ASTN2: variants seen among roughly 807,000 people sequenced by gnomAD.
ASTN2 encodes astrotactin 2.
In ASTN2, 54 loss-of-function variants were observed where a neutral mutation model predicts 139.8. The observed-to-expected ratio is 0.39, with a 90% CI of 0.31 to 0.48. The LOEUF (loss-of-function observed/expected upper bound fraction) is 0.48. Among genes scored for constraint, ASTN2 ranks in the 20% least tolerant of loss-of-function variants. The pLI, the probability that ASTN2 is intolerant of heterozygous loss-of-function variation, is 0.95. For missense variants in ASTN2, 1,565 were observed against 1,725.1 expected, an observed-to-expected ratio of 0.91 and a Z score of 1.64; for synonymous variants, 756 against 719.5, an observed-to-expected ratio of 1.05 and a Z score of -0.81.
intron 11 of ASTN2, among the ~76,000 whole-genome samples, chr9:116,861,958 A>C (rs576411518): frequency 1.4e-5 from 2 of 142,702 alleles, no homozygotes; most frequent in East Asian, 4.2e-4. Context: ...ACTTAAGCCA[A>C]TGCATTTCCT....
At chr9:116,446,618 T>C (rs1292387362) in intron 20 of ASTN2, among the ~76,000 whole-genome samples, 1 of 152,200 alleles carries the variant, frequency 6.6e-6, no homozygotes, top group Non-Finnish European at 1.5e-5. Context: ...ACTTATGGGA[T>C]GCTTTCATTA....
intron 15 of ASTN2, among the ~76,000 whole-genome samples, chr9:116,727,586 A>G (rs181613963): frequency 2.0e-5 from 3 of 152,288 alleles, no homozygotes; most frequent in Admixed American, 6.5e-5. Context: ...ACCCCTCTCC[A>G]TCAACCTGTT....
chr9:116,689,624 C>T (rs1860461801), intron 16 of ASTN2, among the ~76,000 whole-genome samples: 3 of 152,122 alleles, frequency 2.0e-5, no homozygotes, highest in African/African-American at 7.2e-5. Context: ...CTTGCTAGGG[C>T]CTGCTTAGTC....
intron 19 of ASTN2, among the ~76,000 whole-genome samples, chr9:116,587,933 C>T (rs1854224760): frequency 6.6e-6 from 1 of 152,146 alleles, no homozygotes; most frequent in African/African-American, 2.4e-5. Flanking sequence ...GATTGTACTT[C>T]CATGTAGAGA....
intron 17 of ASTN2, among the ~76,000 whole-genome samples, chr9:116,634,582 T>G (rs1856972415): frequency 9.7e-6 from 1 of 103,342 alleles, no homozygotes; most frequent in African/African-American, 4.1e-5. Context: ...AGAGCGAGAC[T>G]CCGTCTCAAA....
intron 3 of ASTN2, among the ~76,000 whole-genome samples, chr9:117,156,181 C>T (rs1042521434): frequency 1.1e-4 from 16 of 152,022 alleles, no homozygotes; most frequent in South Asian, 2.1e-4. Context: ...CCAGGCTCCA[C>T]GATGCATGCA....
intron 6 of ASTN2, among the ~76,000 whole-genome samples, chr9:117,036,978 T>A (rs899883577): frequency 2.0e-5 from 3 of 152,182 alleles, no homozygotes; most frequent in Admixed American, 6.5e-5. Context: ...TTAGTTTTCC[T>A]TGATTCAGTA....
At chr9:117,141,847 A>C (rs1830083306) in intron 3 of ASTN2, among the ~76,000 whole-genome samples, 1 of 152,210 alleles carries the variant, frequency 6.6e-6, no homozygotes, top group Non-Finnish European at 1.5e-5. Context: ...ATATTTTTGC[A>C]ATAGAAGAGT....
chr9:116,887,178 A>C (rs1833630085), intron 10 of ASTN2, among the ~76,000 whole-genome samples: 3 of 152,220 alleles, frequency 2.0e-5, no homozygotes, highest in South Asian at 4.2e-4. Context: ...AAGCATATAA[A>C]TAAACTTACA....
intron 16 of ASTN2, among the ~76,000 whole-genome samples, chr9:116,704,938 G>A (rs1403819561): frequency 6.6e-6 from 1 of 152,032 alleles, no homozygotes; most frequent in Non-Finnish European, 1.5e-5. Context: ...ACACGCACAG[G>A]TAGAGATGAA....
chr9:116,911,731 C>T (rs1259067221), intron 10 of ASTN2, among the ~76,000 whole-genome samples: 1 of 152,056 alleles, frequency 6.6e-6, no homozygotes, highest in Non-Finnish European at 1.5e-5. Flanking sequence ...GGTGAAACCC[C>T]GTCCTACTAA....
At chr9:116,728,642 C>G (rs1322846818) in intron 15 of ASTN2, among the ~76,000 whole-genome samples, 1 of 152,084 alleles carries the variant, frequency 6.6e-6, no homozygotes, top group East Asian at 1.9e-4. Flanking sequence ...AATTCACAAG[C>G]TTGAAATACT....
intron 10 of ASTN2, among the ~76,000 whole-genome samples, chr9:116,912,021 C>A (rs1834326394): frequency 6.6e-6 from 1 of 152,204 alleles, no homozygotes; most frequent in African/African-American, 2.4e-5. Flanking sequence ...TGACTAACTC[C>A]CTGGCATTCT....
chr9:117,008,739 T>C (rs1837430856), intron 6 of ASTN2, among the ~76,000 whole-genome samples: 1 of 152,194 alleles, frequency 6.6e-6, no homozygotes, highest in Non-Finnish European at 1.5e-5. Flanking sequence ...AATGTCCCTG[T>C]CACTCAGATG....
intron 6 of ASTN2, among the ~76,000 whole-genome samples, chr9:117,014,431 C>A (rs1039132692): frequency 6.6e-6 from 1 of 152,136 alleles, no homozygotes; most frequent in African/African-American, 2.4e-5. Context: ...TCTGGAGGAA[C>A]ATTATCGTGG....
rs943940621 is a variant in ASTN2, at chr9:117,075,196, T to C, written c.1276+20848A>G. Among the ~76,000 whole-genome samples the C allele has an allele frequency of 3.3e-5, 5 of 152,280 alleles. No individual in the cohort carries two copies. In the East Asian group the frequency reaches 9.7e-4, roughly 29 times the overall value. ...CTTCTGGGGCAAGAAGGGGTGGACA[T>C]GGTCCATTTGTAGCAGTCCCCAAAT... On this transcript the variant is annotated intron_variant, in intron 5 of 22. Transcript: ENST00000313400.
At chr9:117,004,666 CAG>C (rs1398222180) in intron 7 of ASTN2, among the ~76,000 whole-genome samples, 2 of 152,194 alleles carry the variant, frequency 1.3e-5, no homozygotes, top group African/African-American at 4.8e-5. Flanking sequence ...GACCTCTGCA[CAG>C]AGGCTGTTGT....
chr9:117,355,497 C>A (rs995990997), intron 1 of ASTN2, among the ~76,000 whole-genome samples: 1 of 152,074 alleles, frequency 6.6e-6, no homozygotes, highest in African/African-American at 2.4e-5. Flanking sequence ...GGACATGGCT[C>A]GCCACATGTA....
chr9:116,687,982 G>A lies in ASTN2; in HGVS notation c.2807-36189C>T, dbSNP rs188529467. Among the ~76,000 whole-genome samples the A allele has an allele frequency of 2.6e-4, 40 of 152,144 alleles. 1 individual carries two copies. Among genetic ancestry groups the A allele is most frequent in the Admixed American group, 2.6e-3 (40 of 15,292 alleles). On this transcript the variant is annotated intron_variant, in intron 16 of 22. Coordinates refer to ENST00000313400, the MANE Select transcript of ASTN2 (RefSeq NM_001365068.1). ...GAAAGAAGGGAGCTGGCTGAGGTGTGAAGGCAGCACATGACATTCAGTGCA... is the reference window on the plus strand; with the variant it reads ...GAAAGAAGGGAGCTGGCTGAGGTGTAAAGGCAGCACATGACATTCAGTGCA...
Sources: allele counts gnomAD v4.1 joint callset (sites outside exome capture counted in the v4.1 genomes callset), GRCh38; gene constraint gnomAD v4.1.1; transcripts MANE v1.5; gene names NCBI Gene and HGNC (gene_info 2026-07-23, HGNC 2026-07-21).